Variants in FOXO1 observed in about 807,000 individuals in gnomAD.
FOXO1 encodes forkhead box O1.
FOXO1 carries 6 observed loss-of-function variants against 44.1 expected under a neutral mutation model. That is an observed-to-expected ratio of 0.14 (90% CI 0.07 to 0.27). The LOEUF is 0.27. FOXO1 is among the 10% of genes least tolerant of loss of function. FOXO1 has a pLI of 1.00. For synonymous variants in FOXO1, 380 were observed against 362.7 expected (o/e 1.05, Z -0.54); for missense variants, 737 against 888.8 (o/e 0.83, Z 2.17).
At position 40,559,564 on chromosome 13, in the gene FOXO1, G is replaced by T; in HGVS notation, c.1927C>A (p.His643Asn). 1 of 1,611,840 alleles carries T rather than the reference G, an allele frequency of 6.2e-7. No homozygotes were observed. Among genetic ancestry groups the T allele is most frequent in the African/African-American group, 1.3e-5 (1 of 75,062 alleles). The change falls in exon 2 of 3, where the codon CAC (histidine) becomes AAC (asparagine). Residue 643 changes from histidine (H) to asparagine (N), a missense_variant. Physicochemically the swap from His to Asn is moderately conservative, Grantham distance 68 (BLOSUM62 1). Around this residue, in one of 7 missense-constraint regions of FOXO1, gnomAD observed 45 missense variants for 78.3 expected, o/e 0.57. Coordinates refer to ENST00000379561, the MANE Select transcript of FOXO1 (RefSeq NM_002015.4). ...CTATGTGTCGTTGTCTTGACACTGT[G>T]TGGGAAGCTTTGGTTGGGCAACACA... Reference protein sequence around the residue: ...DNVLPNQSFPHSVKTTTHSWV... With the variant: ...DNVLPNQSFPNSVKTTTHSWV...
At chr13:40,641,519 A>G (rs1224022364) in intron 1 of FOXO1, among the ~76,000 whole-genome samples, 1 of 152,066 alleles carries the variant, frequency 6.6e-6, no homozygotes, top group African/African-American at 2.4e-5. Flanking sequence ...CAGTATGTGC[A>G]TTAATTGTTT....
At chr13:40,599,777 A>G (rs146418683) in intron 1 of FOXO1, among the ~76,000 whole-genome samples, 37 of 152,308 alleles carry the variant, frequency 2.4e-4, no homozygotes, top group Non-Finnish European at 4.4e-4. Flanking sequence ...GGCCTTTCAG[A>G]TGGTGAGTGG....
chr13:40,577,762 C>T (rs959059874), intron 1 of FOXO1, among the ~76,000 whole-genome samples: 5 of 152,098 alleles, frequency 3.3e-5, no homozygotes, highest in Admixed American at 2.0e-4. Flanking sequence ...GATCTATACT[C>T]AATGCCTAGA....
At chr13:40,635,203 A>AG (rs1345514201) in intron 1 of FOXO1, among the ~76,000 whole-genome samples, 2 of 151,798 alleles carry the variant, frequency 1.3e-5, no homozygotes, top group Non-Finnish European at 2.9e-5. Context: ...TCATTAACCA[A>AG]AAAAATTTTT....
intron 1 of FOXO1, among the ~76,000 whole-genome samples, chr13:40,628,520 C>T (rs1241845998): frequency 6.6e-6 from 1 of 152,118 alleles, no homozygotes; most frequent in Non-Finnish European, 1.5e-5. Context: ...ACTCACCATG[C>T]TACCTGAGTC....
Position 40,560,260 on chromosome 13 carries a change from T to C in FOXO1, c.1231A>G (p.Asn411Asp). 1 of 1,614,146 alleles carries C rather than the reference T, an allele frequency of 6.2e-7. No individual in the cohort carries two copies. Residue 411 changes from asparagine to aspartate, a missense_variant, in exon 2 of 3, where the codon AAC (asparagine) becomes GAC (aspartate). Asn to Asp is a conservative substitution (Grantham distance 23). Transcript: ENST00000379561. The surrounding 1 kb of genome is among the most constrained non-coding windows in gnomAD (Gnocchi z 5.1). ...QTPCYSFAPPNTSLNSPSPNY... is the reference protein window; with the variant it reads ...QTPCYSFAPPDTSLNSPSPNY... Reference sequence around the variant, plus strand: ...GGGCTGGGTGAATTCAAACTGGTGTTTGGTGGCGCAAACGAGTAGCACGGC... The same window carrying C: ...GGGCTGGGTGAATTCAAACTGGTGTCTGGTGGCGCAAACGAGTAGCACGGC...
chr13:40,619,810 AG>A (rs1332531306), intron 1 of FOXO1: 19 of 773,672 alleles, frequency 2.5e-5, no homozygotes, highest in Non-Finnish European at 3.8e-5. Context: ...CACTAATTTC[AG>A]TAGTCACACA....
At chr13:40,650,045 T>G (rs1877626677) in intron 1 of FOXO1, among the ~76,000 whole-genome samples, 1 of 152,202 alleles carries the variant, frequency 6.6e-6, no homozygotes, top group Non-Finnish European at 1.5e-5. Context: ...GAATGGCTAC[T>G]CCGTAGACAA....
At chr13:40,591,046 G>A (rs549064870) in intron 1 of FOXO1, among the ~76,000 whole-genome samples, 2 of 152,192 alleles carry the variant, frequency 1.3e-5, no homozygotes, top group East Asian at 1.9e-4. Context: ...ACAGATGGAG[G>A]ACCCCTTTAT....
intron 1 of FOXO1, among the ~76,000 whole-genome samples, chr13:40,578,254 T>C (rs1021091276): frequency 1.3e-5 from 2 of 152,174 alleles, no homozygotes; most frequent in Non-Finnish European, 2.9e-5. Context: ...AGTCCATCCC[T>C]AAGCCAATAA....
At chr13:40,655,786 G>A (rs1052563030) in intron 1 of FOXO1, among the ~76,000 whole-genome samples, 3 of 151,786 alleles carry the variant, frequency 2.0e-5, no homozygotes, top group African/African-American at 4.8e-5. Flanking sequence ...GGGACCACAG[G>A]CATGCACCAT....
chr13:40,577,516 T>C (rs1874804514), intron 1 of FOXO1, among the ~76,000 whole-genome samples: 1 of 152,210 alleles, frequency 6.6e-6, no homozygotes, highest in African/African-American at 2.4e-5. Context: ...TCTAATACTC[T>C]GTCCACTTTA....
intron 1 of FOXO1, among the ~76,000 whole-genome samples, chr13:40,655,698 C>G (rs748022874): frequency 3.1e-5 from 4 of 127,294 alleles, no homozygotes; most frequent in African/African-American, 1.2e-4. Flanking sequence ...GCCGGAGTGT[C>G]GTGGCATAAT....
chr13:40,590,313 G>C (rs1875319889), intron 1 of FOXO1, among the ~76,000 whole-genome samples: 1 of 152,182 alleles, frequency 6.6e-6, no homozygotes. Context: ...CAACAGGAAT[G>C]TGTACTATAC....
At chr13:40,588,768 T>C (rs1362821126) in intron 1 of FOXO1, among the ~76,000 whole-genome samples, 1 of 151,904 alleles carries the variant, frequency 6.6e-6, no homozygotes, top group African/African-American at 2.4e-5. Context: ...CTGTCCCTCA[T>C]AAAGACAACA....
chr13:40,565,651 G>A (rs377282919), intron 1 of FOXO1, among the ~76,000 whole-genome samples: 1 of 152,150 alleles, frequency 6.6e-6, no homozygotes, highest in Admixed American at 6.5e-5. Context: ...CAACACCATA[G>A]GGGCACTCAA....
chr13:40,619,559 T>C (rs1314822735), intron 1 of FOXO1: 3 of 1,413,970 alleles, frequency 2.1e-6, no homozygotes, highest in East Asian at 2.3e-5. Flanking sequence ...TATACAAACA[T>C]TCCACTTTCA....
chr13:40,643,459 T>C (rs1323850059), intron 1 of FOXO1, among the ~76,000 whole-genome samples: 1 of 152,208 alleles, frequency 6.6e-6, no homozygotes, highest in Middle Eastern at 3.4e-3. Flanking sequence ...AGTACAGCTA[T>C]ACAGTAGAGC....
intron 1 of FOXO1, among the ~76,000 whole-genome samples, chr13:40,573,665 ATCTT>A (rs1425106521): frequency 6.6e-6 from 1 of 152,240 alleles, no homozygotes; most frequent in African/African-American, 2.4e-5. Context: ...AGACAAGACT[ATCTT>A]TATAAACCTC....
Sources: gnomAD v4.1 joint callset for allele counts (sites outside exome capture counted in the v4.1 genomes callset) on GRCh38, gnomAD v4.1.1 for gene constraint, gnomAD v4.1.1 regional missense constraint, Gnocchi (gnomAD v3.1) non-coding constraint, MANE v1.5 for transcripts, NCBI Gene and HGNC (gene_info 2026-07-23, HGNC 2026-07-21) for gene names.